The following MUC4 variants were observed in gnomAD, a reference collection of about 807,000 sequenced individuals.
The protein encoded by MUC4 is mucin 4, cell surface associated, also known as mucin-4.
A neutral mutation model predicts 257.9 loss-of-function variants in MUC4; 202 were observed. The observed-to-expected ratio is 0.78, with a 90% confidence interval of 0.70 to 0.88. The LOEUF (loss-of-function observed/expected upper bound fraction) is 0.88. MUC4 is among the 40% of genes least tolerant of loss of function. The pLI, the probability that MUC4 is intolerant of heterozygous loss-of-function variation, is 0.00. For missense variants in MUC4, 5,976 were observed against 6,513.7 expected, an observed-to-expected ratio of 0.92 and a Z score of 2.84; for synonymous variants, 2,351 against 2,757.1, an observed-to-expected ratio of 0.85 and a Z score of 4.62.
rs773884957 is a variant in MUC4, at chr3:195,757,908, G to A, written c.14987-580C>T. Among the ~76,000 whole-genome samples, 13 of 152,220 alleles carry A rather than the reference G, an allele frequency of 8.5e-5. No individual in the cohort carries two copies. The highest frequency in any genetic ancestry group is 1.2e-4 in the African/African-American group (5 of 41,462). ...AGGAAGTGACAGAGAATAGACGAAC[G>A]TAATTTCCAGACCATCGTCCTTCAG... On this transcript the variant is annotated intron_variant, in intron 17 of 24. Transcript: ENST00000463781. This position sits in a 1 kb window ranked among gnomAD's most constrained non-coding sequence, Gnocchi z 4.8.
At chr3:195,800,441 T>C (rs1038391508) in intron 1 of MUC4, among the ~76,000 whole-genome samples, 9 of 152,280 alleles carry the variant, frequency 5.9e-5, no homozygotes, top group African/African-American at 2.2e-4. Context: ...ATAGTTTTAT[T>C]GTCTAGGGGA....
chr3:195,775,422 C>CGGCCAT (rs1724221589), intron 3 of MUC4, among the ~76,000 whole-genome samples: 1 of 116,838 alleles, frequency 8.6e-6, no homozygotes, highest in African/African-American at 2.9e-5. Context: ...ATACCTTCCA[C>CGGCCAT]ACCCATACCT....
Position 195,779,135 on chromosome 3 carries a change from T to C in MUC4, c.12445A>G (p.Ile4149Val), listed in dbSNP as rs1206937393. The change falls in exon 2 of 25, where the codon ATC becomes GTC. Residue 4149 changes from isoleucine (I) to valine (V), a missense_variant. Coordinates refer to ENST00000463781, the MANE Select transcript of MUC4 (RefSeq NM_018406.7). ...TGDTTPLPVT[I>V]PSSASSGHTT... ...TGACCTGAGGATGCTGAGGAAGGGA[T>C]GGTGACAGGAAGAGGCGTGGTGTCA... is the stretch of plus-strand genomic sequence containing the variant. 5 of 1,508,804 alleles carry C rather than the reference T, an allele frequency of 3.3e-6. No individual in the cohort carries two copies. The highest frequency in any genetic ancestry group is 2.5e-5 in the East Asian group (1 of 40,156). The allele number at this position is 1,508,804 out of a possible 1,614,324, so 93.5% of individuals were successfully genotyped here.
intron 23 of MUC4, 108 bp downstream of exon 23, chr3:195,750,781 C>T: frequency 9.0e-7 from 1 of 1,110,892 alleles, no homozygotes; most frequent in Non-Finnish European, 1.3e-6. Flanking sequence ...TCGCTCAAAA[C>T]CAAACAAACA....
rs567918321 is a variant in MUC4 at position 195,753,054 on chromosome 3, G to C, written c.15505C>G (p.Leu5169Val). Residue 5169 changes from leucine to valine, a missense_variant, in exon 20 of 25, where the codon CTA becomes GTA. Leu to Val is a conservative substitution (Grantham distance 32). Transcript: ENST00000463781. ...AGGGCGGGGTCTCTGGCGGTACCTA[G>C]GTTGACAGTTGGACTGAAGTTGTTC... ...AGNNFSPTVN[L>V]ELPLRVIQLL... The C allele has an allele frequency of 3.1e-6, 5 of 1,611,570 alleles. No homozygotes were observed. The South Asian group carries it at 5.5e-5, about 18-fold the overall frequency.
At chr3:195,804,048 C>T (rs1472247484) in intron 1 of MUC4, among the ~76,000 whole-genome samples, 2 of 152,224 alleles carry the variant, frequency 1.3e-5, no homozygotes, top group Non-Finnish European at 2.9e-5. Context: ...TGAGAAGACA[C>T]ACGTGTGTCA....
At chr3:195,766,555 G>T (rs923809351) in intron 8 of MUC4, 108 bp downstream of exon 8, 2 of 970,876 alleles carry the variant, frequency 2.1e-6, no homozygotes, top group Non-Finnish European at 3.2e-6. Context: ...GGCCCTTCAG[G>T]ATGGCCGTGA....
rs1349316048 is a variant in MUC4 at position 195,784,859 on chromosome 3, G to A, written c.6721C>T (p.Leu2241Phe). The change falls in exon 2 of 25, where the codon CTT becomes TTT. Residue 2241 changes from leucine to phenylalanine, a missense_variant. Physicochemically the swap from Leu to Phe is conservative, Grantham distance 22 (BLOSUM62 0). This residue lies in a region of MUC4 where 85 missense variants were observed against 325.0 expected (regional missense o/e 0.26). Coordinates refer to ENST00000463781, the MANE Select transcript of MUC4 (RefSeq NM_018406.7). ...GCTGAGGAAAGGCTGGTGACAGGAA[G>A]AGGGGTGGCCTGTCCTGTGGATGCT... ...SSASTGQATP[L>F]PVTSLSSAST... 6.6e-7 allele frequency: 1 copy of A among 1,521,528 alleles called. No homozygotes were observed. 94.3% of individuals were successfully genotyped at this position (1,521,528 alleles called of 1,614,324 possible).
intron 20 of MUC4, 48 bp from the exon 21 acceptor site, chr3:195,752,494 A>G (rs1430747578): frequency 6.4e-6 from 10 of 1,557,056 alleles, no homozygotes; most frequent in Non-Finnish European, 8.0e-6. Context: ...GTTTACCCAG[A>G]CTTACCCAAA....
At chr3:195,811,443 G>A (rs1736730999) in intron 1 of MUC4, among the ~76,000 whole-genome samples, 1 of 152,044 alleles carries the variant, frequency 6.6e-6, no homozygotes, top group South Asian at 2.1e-4. Flanking sequence ...AAAGTGCTGG[G>A]ATTACAGGCA....
Position 195,786,630 on chromosome 3 carries a change from A to T in MUC4, c.4950T>A (p.His1650Gln), listed in dbSNP as rs1560378186. 2.6e-6 allele frequency: 4 copies of T among 1,524,940 alleles called. No homozygotes were observed. The highest frequency in any genetic ancestry group is 3.5e-6 in the Non-Finnish European group (4 of 1,132,592). 94.5% of individuals were successfully genotyped at this position (1,524,940 alleles called of 1,614,324 possible). Reference protein sequence around the residue: ...SLSTGHATPLHVTSPSSASTG... With the variant: ...SLSTGHATPLQVTSPSSASTG... ...TGGATGCTGAGGAAGGGCTGGTGACATGAAGAGGGGTGGCGTGACCTGTGG... is the reference window on the plus strand; with the variant it reads ...TGGATGCTGAGGAAGGGCTGGTGACTTGAAGAGGGGTGGCGTGACCTGTGG... The change falls in exon 2 of 25, where the codon CAT becomes CAA. Residue 1650 changes from histidine (H) to glutamine (Q), a missense_variant. His to Gln is a conservative substitution (Grantham distance 24, BLOSUM62 0). This residue lies in a region of MUC4 where 61 missense variants were observed against 100.2 expected (regional missense o/e 0.61). Transcript: ENST00000463781.
chr3:195,794,363 C>CAT (rs553339746), intron 1 of MUC4, among the ~76,000 whole-genome samples: 9,494 of 147,356 alleles, frequency 0.064, 482 homozygotes, highest in African/African-American at 0.14. Flanking sequence ...TCTTTTTAAA[C>CAT]ATATATATAT....
rs772681112 is a variant in MUC4 at position 195,788,898 on chromosome 3, G to T, written c.2682C>A (p.Pro894=). Reference sequence around the variant, plus strand: ...CGGCTGTCTCCTGAGGAGAGGCACTGGGAGAAGTTGGGCTTGACTGTCCTG... The same window carrying T: ...CGGCTGTCTCCTGAGGAGAGGCACTTGGAGAAGTTGGGCTTGACTGTCCTG... ...RPTGQSSPTS[P]SASPQETAAI... Residue 894 remains proline, a synonymous_variant, in exon 2 of 25, where the codon CCC becomes CCA. Coordinates refer to ENST00000463781, the MANE Select transcript of MUC4 (RefSeq NM_018406.7). The T allele has an allele frequency of 3.6e-5, 58 of 1,613,528 alleles. No homozygotes were observed. Among genetic ancestry groups the T allele is most frequent in the Non-Finnish European group, 4.7e-5 (55 of 1,179,770 alleles).
intron 12 of MUC4, 50 bp from the exon 13 acceptor site, chr3:195,762,995 C>A: frequency 1.4e-6 from 2 of 1,421,084 alleles, no homozygotes; most frequent in Non-Finnish European, 1.9e-6. Flanking sequence ...GTGGAGCCGA[C>A]GCCCAGGAAA....
In MUC4 at chr3:195,779,676, AGAG is replaced by A. The variant is rs1726357956; in HGVS notation, c.11901_11903del (p.Ser3968del). On this transcript the variant is annotated inframe_deletion, in exon 2 of 25. Coordinates refer to ENST00000463781, the MANE Select transcript of MUC4 (RefSeq NM_018406.7). Reference sequence around the variant, plus strand: ...CTGAGGAACGGCTGGTGACAGGAAGAGAGGTGGCGTGACCTGTGGATACTGAGG... The same window carrying A: ...CTGAGGAACGGCTGGTGACAGGAAGAGTGGCGTGACCTGTGGATACTGAGG... The A allele has an allele frequency of 8.2e-7, 1 of 1,221,854 alleles. No homozygotes were observed. The allele number at this position is 1,221,854 out of a possible 1,614,324, so 75.7% of individuals were successfully genotyped here. A position where few individuals can be genotyped will look rare whatever the true frequency, so the allele number is the denominator to read the frequency against.
At chr3:195,765,906 C>T (rs771320863) in intron 8 of MUC4, among the ~76,000 whole-genome samples, 15 of 152,056 alleles carry the variant, frequency 9.9e-5, no homozygotes, top group South Asian at 6.2e-4. Flanking sequence ...GTCCAGCACA[C>T]GGCAGGTGCC....
rs772530563 is a variant in MUC4, at chr3:195,790,302, T to C, written c.1278A>G (p.Ser426=). 4.9e-5 allele frequency: 79 copies of C among 1,613,810 alleles called. No homozygotes were observed. The East Asian group carries it at 1.7e-3, about 35-fold the overall frequency. Residue 426 remains serine (S), a synonymous_variant, in exon 2 of 25, where the codon TCA becomes TCG. Coordinates refer to ENST00000463781, the MANE Select transcript of MUC4 (RefSeq NM_018406.7). The stretch of plus-strand genomic sequence containing the variant: ...ACAGAGTGTCTGACCACCATATGGT[T>C]GAAACTTTGGAAGTGATTGCAGAAA... ...GTISAITSKV[S]TIWWSDTLST...
intron 3 of MUC4, among the ~76,000 whole-genome samples, chr3:195,774,816 C>A (rs911896825): frequency 4.7e-5 from 7 of 149,806 alleles, no homozygotes; most frequent in African/African-American, 1.7e-4. Flanking sequence ...AGGAGAATTG[C>A]TTGAACCCGG....
chr3:195,763,907 CA>C, intron 11 of MUC4, 137 bp downstream of exon 11: 2 of 1,334,312 alleles, frequency 1.5e-6, no homozygotes, highest in South Asian at 3.1e-5. Flanking sequence ...ACTGACCATC[CA>C]CCCATCACTG....
Sources: gnomAD v4.1 joint callset for allele counts (sites outside exome capture counted in the v4.1 genomes callset) on GRCh38, gnomAD v4.1.1 for gene constraint, gnomAD v4.1.1 regional missense constraint, Gnocchi (gnomAD v3.1) non-coding constraint, MANE v1.5 for transcripts, NCBI Gene and HGNC (gene_info 2026-07-23, HGNC 2026-07-21) for gene names.